The following SHC3 variants were observed in gnomAD, a reference collection of about 807,000 sequenced individuals.
SHC3 encodes the protein SHC adaptor protein 3, also known as SHC-transforming protein 3.
A neutral mutation model predicts 60.4 loss-of-function variants in SHC3; 15 were observed. The observed-to-expected ratio is 0.25, with a 90% CI of 0.17 to 0.38. The LOEUF is 0.38. SHC3 is among the 10% of genes least tolerant of loss of function. The pLI is 1.00. For missense variants in SHC3, 677 were observed against 786.1 expected, an observed-to-expected ratio of 0.86 and a Z score of 1.66; for synonymous variants, 294 against 325.9, an observed-to-expected ratio of 0.90 and a Z score of 1.05.
At chr9:89,136,595 A>C (rs1826323280) in intron 1 of SHC3, among the ~76,000 whole-genome samples, 1 of 152,198 alleles carries the variant, frequency 6.6e-6, no homozygotes, top group Non-Finnish European at 1.5e-5. Flanking sequence ...CAGAAAGCTC[A>C]TGAATAATCT....
At chr9:89,027,412 C>CG (rs1826334028) in intron 11 of SHC3, among the ~76,000 whole-genome samples, 1 of 150,004 alleles carries the variant, frequency 6.7e-6, no homozygotes, top group South Asian at 2.1e-4. Flanking sequence ...CTGTGCCCCC[C>CG]GGGTTCACGC....
intron 1 of SHC3, among the ~76,000 whole-genome samples, chr9:89,152,526 A>G (rs1826559709): frequency 6.6e-6 from 1 of 152,168 alleles, no homozygotes; most frequent in African/African-American, 2.4e-5. Flanking sequence ...TCCACCACAC[A>G]TGTTCTAGAT....
At chr9:89,134,447 A>C (rs770650057) in intron 1 of SHC3, among the ~76,000 whole-genome samples, 2 of 151,298 alleles carry the variant, frequency 1.3e-5, no homozygotes, top group African/African-American at 4.9e-5. Context: ...TTCTCAGAGC[A>C]CTGATCTGCT....
intron 1 of SHC3, among the ~76,000 whole-genome samples, chr9:89,134,345 C>A (rs1323836786): frequency 6.6e-6 from 1 of 152,020 alleles, no homozygotes; most frequent in Non-Finnish European, 1.5e-5. Context: ...TAAAAAGATT[C>A]TTTGTGTGAA....
chr9:89,136,127 T>C (rs559648737), intron 1 of SHC3, among the ~76,000 whole-genome samples: 2 of 152,272 alleles, frequency 1.3e-5, no homozygotes, highest in African/African-American at 4.8e-5. Flanking sequence ...TAGGCAGGAA[T>C]ATCATTACCC....
intron 11 of SHC3, among the ~76,000 whole-genome samples, chr9:89,017,883 G>A (rs966186363): frequency 2.6e-5 from 4 of 152,096 alleles, no homozygotes; most frequent in South Asian, 2.1e-4. Flanking sequence ...GCCAACAAAC[G>A]TATGAAAAGA....
At chr9:89,049,936 G>A (rs549685298) in intron 7 of SHC3, among the ~76,000 whole-genome samples, 44 of 152,310 alleles carry the variant, frequency 2.9e-4, no homozygotes, top group African/African-American at 9.1e-4. Flanking sequence ...TACTCTGGCT[G>A]GGAGGCTGCT....
At chr9:89,058,756 TG>T (rs1825002700) in intron 6 of SHC3, among the ~76,000 whole-genome samples, 2 of 115,734 alleles carry the variant, frequency 1.7e-5, no homozygotes, top group Middle Eastern at 7.8e-3. Context: ...TGGTGGAGGA[TG>T]GTGGTGGAGG....
intron 1 of SHC3, among the ~76,000 whole-genome samples, chr9:89,137,659 G>A (rs150365113): frequency 6.2e-4 from 94 of 152,240 alleles, no homozygotes; most frequent in Admixed American, 1.8e-3. Flanking sequence ...AAGCAAAAAC[G>A]TCTAGGGGTG....
intron 1 of SHC3, among the ~76,000 whole-genome samples, chr9:89,175,090 T>G (rs1826923877): frequency 1.3e-5 from 2 of 152,288 alleles, no homozygotes; most frequent in African/African-American, 4.8e-5. Context: ...AAAATGGAAA[T>G]TTAATGAAAA....
intron 6 of SHC3, among the ~76,000 whole-genome samples, chr9:89,064,379 C>G (rs983346122): frequency 6.6e-6 from 1 of 152,142 alleles, no homozygotes; most frequent in African/African-American, 2.4e-5. Flanking sequence ...CCTGGTGAGG[C>G]AGCCACGGGA....
intron 1 of SHC3, among the ~76,000 whole-genome samples, chr9:89,152,798 T>C (rs942485925): frequency 1.7e-4 from 26 of 152,374 alleles, no homozygotes; most frequent in African/African-American, 6.0e-4. Flanking sequence ...GTTATATATT[T>C]ATGAACTCTC....
chr9:89,024,728 C>T (rs1240853785), intron 11 of SHC3, among the ~76,000 whole-genome samples: 1 of 152,206 alleles, frequency 6.6e-6, no homozygotes, highest in Non-Finnish European at 1.5e-5. Flanking sequence ...CACAGTTTAA[C>T]CTTACACTGG....
chr9:89,058,371 G>T (rs1324150835), intron 6 of SHC3, among the ~76,000 whole-genome samples: 2 of 151,328 alleles, frequency 1.3e-5, no homozygotes, highest in Non-Finnish European at 3.0e-5. Context: ...CGTGGTGGAG[G>T]ATGGTGGCAT....
At chr9:89,155,670 A>C (rs182290720) in intron 1 of SHC3, among the ~76,000 whole-genome samples, 2 of 152,184 alleles carry the variant, frequency 1.3e-5, no homozygotes, top group African/African-American at 2.4e-5. Context: ...GCCCCTGAAC[A>C]TGGAGTTGGC....
At chr9:89,141,051 A>C (rs1826386433) in intron 1 of SHC3, among the ~76,000 whole-genome samples, 2 of 152,206 alleles carry the variant, frequency 1.3e-5, no homozygotes, top group African/African-American at 4.8e-5. Context: ...CAAACAGCCA[A>C]TATTTCTGGC....
chr9:89,151,271 C>T (rs1826542296), intron 1 of SHC3, among the ~76,000 whole-genome samples: 1 of 152,158 alleles, frequency 6.6e-6, no homozygotes, highest in Non-Finnish European at 1.5e-5. Flanking sequence ...TATTCAAATC[C>T]TCATAAGGTC....
intron 2 of SHC3, among the ~76,000 whole-genome samples, chr9:89,105,820 A>G (rs1398409059): frequency 6.6e-6 from 1 of 152,222 alleles, no homozygotes; most frequent in Non-Finnish European, 1.5e-5. Context: ...CATATTTTCA[A>G]TAACTTCAGT....
At chr9:89,029,621 T>C (rs1439442555) in intron 11 of SHC3, among the ~76,000 whole-genome samples, 1 of 152,110 alleles carries the variant, frequency 6.6e-6, no homozygotes, top group African/African-American at 2.4e-5. Context: ...AATATGTCCC[T>C]GGGATGATGA....
Sources: allele counts gnomAD v4.1 joint callset (sites outside exome capture counted in the v4.1 genomes callset), GRCh38; gene constraint gnomAD v4.1.1; transcripts MANE v1.5; gene names NCBI Gene and HGNC (gene_info 2026-07-23, HGNC 2026-07-21).